Variants in ITGA8 observed in about 807,000 individuals in gnomAD.
The protein encoded by ITGA8 is integrin subunit alpha 8.
Under a neutral mutation model 142.3 loss-of-function variants are expected in ITGA8, and 91 were observed. The ratio of observed to expected loss-of-function variants is 0.64; its 90% CI spans 0.54 to 0.76. ITGA8 has a LOEUF of 0.76. Ranked by LOEUF, ITGA8 falls within the 30% of genes least tolerant of loss-of-function variation. The pLI, the probability that ITGA8 is intolerant of heterozygous loss-of-function variation, is 0.00. For missense variants in ITGA8, 1,406 were observed against 1,327.7 expected (o/e 1.06, Z -0.92); for synonymous variants, 505 against 485.2 (o/e 1.04, Z -0.54).
In ITGA8 at chr10:15,688,021, C is replaced by T. The variant is rs774358157; in HGVS notation, c.361G>A (p.Val121Ile). ...TCGATAGGTTCTTTGGTTCCATTAACTCTGATCTTTCTGTTGTCTGTCAAA... is the reference window on the plus strand; with the variant it reads ...TCGATAGGTTCTTTGGTTCCATTAATTCTGATCTTTCTGTTGTCTGTCAAA... ...FDTTNNRKIR[V>I]NGTKEPIEFK... Residue 121 changes from valine (V) to isoleucine (I), a missense_variant, in exon 3 of 30, where the codon GTT becomes ATT. Transcript: ENST00000378076. The T allele has an allele frequency of 3.1e-5, 50 of 1,610,810 alleles. No individual in the cohort carries two copies. In the Middle Eastern group the frequency reaches 6.6e-4, roughly 21 times the overall value.
chr10:15,684,835 T>C (rs962183809), intron 3 of ITGA8, among the ~76,000 whole-genome samples: 2 of 152,190 alleles, frequency 1.3e-5, no homozygotes, highest in Non-Finnish European at 2.9e-5. Flanking sequence ...GAGAACAAGT[T>C]CCTTTCTGTG....
At position 15,683,671 on chromosome 10, in the gene ITGA8, A is replaced by G. The variant is rs1051692639; in HGVS notation, c.568+333T>C. On this transcript the variant is annotated intron_variant, in intron 4 of 29. Coordinates refer to ENST00000378076, the MANE Select transcript of ITGA8 (RefSeq NM_003638.3). ...GCTAACACCGTTTTGGCAATAAACA[A>G]ATAAAGTGGGCAGTCAGCATTCTTT... Among the ~76,000 whole-genome samples the G allele has an allele frequency of 2.0e-5, 3 of 152,246 alleles. No homozygotes were observed. In the South Asian group the frequency reaches 6.2e-4, roughly 31 times the overall value.
At chr10:15,575,124 A>G (rs1045317063) in intron 24 of ITGA8, among the ~76,000 whole-genome samples, 4 of 152,076 alleles carry the variant, frequency 2.6e-5, no homozygotes, top group African/African-American at 7.2e-5. Context: ...TTAAAATGCT[A>G]TCTACTGTAG....
intron 25 of ITGA8, among the ~76,000 whole-genome samples, chr10:15,568,454 G>A (rs1341755642): frequency 6.6e-6 from 1 of 152,194 alleles, no homozygotes; most frequent in Non-Finnish European, 1.5e-5. Flanking sequence ...GGGGACATTA[G>A]GGTAGCTTGC....
intron 6 of ITGA8, among the ~76,000 whole-genome samples, chr10:15,673,556 G>A (rs1170851321): frequency 6.6e-6 from 1 of 151,998 alleles, no homozygotes; most frequent in Non-Finnish European, 1.5e-5. Context: ...CATTTCCTTT[G>A]GTATTCTAAT....
chr10:15,656,609 C>G (rs1490876169), intron 10 of ITGA8, among the ~76,000 whole-genome samples: 1 of 152,068 alleles, frequency 6.6e-6, no homozygotes, highest in Non-Finnish European at 1.5e-5. Flanking sequence ...GGTGATCCAC[C>G]CACTCGGCCT....
At chr10:15,683,043 A>G (rs757247098) in intron 4 of ITGA8, among the ~76,000 whole-genome samples, 6 of 152,190 alleles carry the variant, frequency 3.9e-5, no homozygotes, top group Middle Eastern at 3.4e-3. Flanking sequence ...GAAAATTTAC[A>G]TTTTAGAGCT....
intron 21 of ITGA8, among the ~76,000 whole-genome samples, chr10:15,593,423 T>C (rs1232287837): frequency 2.0e-5 from 3 of 152,232 alleles, no homozygotes; most frequent in Admixed American, 6.5e-5. Flanking sequence ...GCTGACATTA[T>C]ACAATTGAGC....
At chr10:15,673,694 T>A (rs1416871563) in intron 6 of ITGA8, among the ~76,000 whole-genome samples, 2 of 152,208 alleles carry the variant, frequency 1.3e-5, no homozygotes, top group Non-Finnish European at 2.9e-5. Flanking sequence ...GCCATCTGCT[T>A]TTCTTGCTAA....
At position 15,719,617 on chromosome 10, in the gene ITGA8, G is replaced by A; in HGVS notation, c.155C>T (p.Pro52Leu). ...DVEKLTVYSG[P>L]KGSYFGYAVD... ...GGCGTAGCCGAAGTAGCTGCCCTTGGGGCCGCTGTACACTGTGAGCTTTTC... is the reference window on the plus strand; with the variant it reads ...GGCGTAGCCGAAGTAGCTGCCCTTGAGGCCGCTGTACACTGTGAGCTTTTC... Residue 52 changes from proline to leucine, a missense_variant, in exon 1 of 30, where the codon CCC becomes CTC. Physicochemically the swap from Pro to Leu is moderately conservative, Grantham distance 98. Transcript: ENST00000378076. The A allele has an allele frequency of 6.4e-7, 1 of 1,561,814 alleles. No individual in the cohort carries two copies. Among genetic ancestry groups the A allele is most frequent in the South Asian group, 1.2e-5 (1 of 84,122 alleles).
Position 15,548,608 on chromosome 10 carries a change from A to G in ITGA8, c.2767-40T>C, listed in dbSNP as rs111383573. ...GGGAACACGTCAGAGTCTTTAAATC[A>G]TGGTAGAGACTGAACACTGAAGTTA... On this transcript the variant is annotated intron_variant, in intron 26 of 29. Coordinates refer to ENST00000378076, the MANE Select transcript of ITGA8 (RefSeq NM_003638.3). 8 of 1,311,910 alleles carry G rather than the reference A, an allele frequency of 6.1e-6. No individual in the cohort carries two copies. The Admixed American group carries it at 7.1e-5, about 12-fold the overall frequency. 81.3% of individuals were successfully genotyped at this position (1,311,910 alleles called of 1,614,324 possible). A position where few individuals can be genotyped will look rare whatever the true frequency, so the allele number is the denominator to read the frequency against.
At chr10:15,539,131 C>T (rs1833517498) in intron 27 of ITGA8, among the ~76,000 whole-genome samples, 1 of 152,042 alleles carries the variant, frequency 6.6e-6, no homozygotes, top group African/African-American at 2.4e-5. Context: ...TCCATTTCAA[C>T]TACAGAATAG....
intron 2 of ITGA8, among the ~76,000 whole-genome samples, chr10:15,699,385 T>C (rs959400692): frequency 6.6e-6 from 1 of 152,162 alleles, no homozygotes; most frequent in Non-Finnish European, 1.5e-5. Context: ...TGAGAAATAT[T>C]CATGAATAGA....
chr10:15,523,204 A>T (rs1833101895), intron 28 of ITGA8, among the ~76,000 whole-genome samples: 1 of 152,228 alleles, frequency 6.6e-6, no homozygotes, highest in Non-Finnish European at 1.5e-5. Context: ...GTACTTTGCT[A>T]GGTGACTTTG....
intron 27 of ITGA8, among the ~76,000 whole-genome samples, chr10:15,539,073 A>G (rs1833516309): frequency 6.6e-6 from 1 of 151,682 alleles, no homozygotes; most frequent in African/African-American, 2.4e-5. Context: ...TTGTATGCAA[A>G]TATATAGGAT....
intron 2 of ITGA8, among the ~76,000 whole-genome samples, chr10:15,716,369 T>C (rs944065801): frequency 3.3e-5 from 5 of 152,214 alleles, no homozygotes; most frequent in Non-Finnish European, 7.3e-5. Context: ...GCAGCATCAA[T>C]CTCTAAAGCC....
intron 13 of ITGA8, among the ~76,000 whole-genome samples, chr10:15,626,313 C>T (rs530217612): frequency 2.0e-5 from 3 of 152,222 alleles, no homozygotes; most frequent in East Asian, 3.9e-4. Context: ...CCTCTCCTCC[C>T]GGGTTCAAGC....
At chr10:15,645,407 T>A (rs1203714818) in intron 12 of ITGA8, among the ~76,000 whole-genome samples, 2 of 152,202 alleles carry the variant, frequency 1.3e-5, no homozygotes, top group Non-Finnish European at 2.9e-5. Flanking sequence ...AATATGATTT[T>A]AAACGACAGC....
chr10:15,652,036 C>T (rs1443244872), intron 11 of ITGA8, among the ~76,000 whole-genome samples: 2 of 151,836 alleles, frequency 1.3e-5, no homozygotes, highest in African/African-American at 2.4e-5. Flanking sequence ...GAAAATACTA[C>T]GTAATAAAAA....
Sources: gnomAD v4.1 joint callset for allele counts (sites outside exome capture counted in the v4.1 genomes callset) on GRCh38, gnomAD v4.1.1 for gene constraint, MANE v1.5 for transcripts, NCBI Gene and HGNC (gene_info 2026-07-23, HGNC 2026-07-21) for gene names.